The following PARD3 variants were observed in gnomAD, a reference collection of about 807,000 sequenced individuals.
PARD3 encodes partitioning defective 3 homolog.
A neutral mutation model predicts 155.4 loss-of-function variants in PARD3; 75 were observed. That is an observed-to-expected ratio of 0.48 (90% confidence interval 0.40 to 0.58). The LOEUF is 0.58. Among genes scored for constraint, PARD3 ranks in the 20% least tolerant of loss-of-function variants. The pLI, the probability that PARD3 is intolerant of heterozygous loss-of-function variation, is 0.00. For synonymous variants in PARD3, 576 were observed against 610.5 expected, an observed-to-expected ratio of 0.94 and a Z score of 0.83; for missense variants, 1,642 against 1,721.7, an observed-to-expected ratio of 0.95 and a Z score of 0.82.
intron 1 of PARD3, among the ~76,000 whole-genome samples, chr10:34,812,397 C>A (rs116784400): frequency 0.013 from 2,043 of 152,262 alleles, 40 homozygotes; most frequent in African/African-American, 0.047. Flanking sequence ...CCACCCAATT[C>A]TTCACACAGA....
intron 1 of PARD3, among the ~76,000 whole-genome samples, chr10:34,728,607 T>C (rs993101893): frequency 5.3e-5 from 8 of 152,216 alleles, no homozygotes; most frequent in African/African-American, 1.4e-4. Context: ...AGTAAATATG[T>C]CACATTGTTG....
At chr10:34,239,849 C>A (rs114090274) in intron 22 of PARD3, among the ~76,000 whole-genome samples, 2,847 of 151,514 alleles carry the variant, frequency 0.019, 76 homozygotes, top group African/African-American at 0.066. Context: ...AAATACCCTA[C>A]CATCTTTTGA....
chr10:34,451,818 C>A (rs2077077079), intron 4 of PARD3, among the ~76,000 whole-genome samples: 1 of 145,118 alleles, frequency 6.9e-6, no homozygotes. Context: ...AAGACATGGA[C>A]AAAAACTAAC....
intron 20 of PARD3, among the ~76,000 whole-genome samples, chr10:34,312,702 G>C (rs74131691): frequency 0.021 from 3,221 of 152,202 alleles, 110 homozygotes; most frequent in African/African-American, 0.074. Context: ...TGGTAATATT[G>C]CAACATTTCT....
chr10:34,315,910 G>A (rs969854261), intron 20 of PARD3, among the ~76,000 whole-genome samples: 1 of 152,182 alleles, frequency 6.6e-6, no homozygotes, highest in Non-Finnish European at 1.5e-5. Flanking sequence ...GTTAATATAA[G>A]TCTAGAGTTA....
intron 22 of PARD3, among the ~76,000 whole-genome samples, chr10:34,243,811 A>AAT (rs1320834488): frequency 3.9e-4 from 59 of 151,174 alleles, no homozygotes; most frequent in Admixed American, 1.8e-3. Context: ...CTCCATCTCA[A>AAT]ATATATATAT....
At chr10:34,287,872 T>G (rs1403379520) in intron 20 of PARD3, among the ~76,000 whole-genome samples, 1 of 152,226 alleles carries the variant, frequency 6.6e-6, no homozygotes, top group Non-Finnish European at 1.5e-5. Flanking sequence ...AACTATTTTT[T>G]GTAAATGTAT....
intron 20 of PARD3, chr10:34,312,113 A>AG: frequency 1.6e-6 from 1 of 633,090 alleles, no homozygotes; most frequent in Non-Finnish European, 2.6e-6. Flanking sequence ...GAAAGGAAAG[A>AG]GAAAAAAACA....
intron 1 of PARD3, among the ~76,000 whole-genome samples, chr10:34,757,648 T>A (rs564821445): frequency 6.6e-6 from 1 of 151,240 alleles, no homozygotes; most frequent in Admixed American, 6.6e-5. Flanking sequence ...GAGGCAGAGG[T>A]TGCAATGAGC....
At chr10:34,764,510 G>C (rs1489209793) in intron 1 of PARD3, among the ~76,000 whole-genome samples, 3 of 152,154 alleles carry the variant, frequency 2.0e-5, no homozygotes, top group African/African-American at 4.8e-5. Context: ...AATCCAGCAG[G>C]TACTGGAGGA....
At chr10:34,682,818 A>G (rs1328644356) in intron 2 of PARD3, among the ~76,000 whole-genome samples, 3 of 152,150 alleles carry the variant, frequency 2.0e-5, no homozygotes, top group Admixed American at 2.0e-4. Context: ...CAGAGGTTGC[A>G]GAGATTGCAT....
At chr10:34,797,843 G>C (rs778649292) in intron 1 of PARD3, among the ~76,000 whole-genome samples, 7 of 152,116 alleles carry the variant, frequency 4.6e-5, no homozygotes, top group Admixed American at 1.3e-4. Context: ...ACATCATTTA[G>C]AGTCAACAGC....
intron 14 of PARD3, among the ~76,000 whole-genome samples, chr10:34,350,611 T>C (rs1023343297): frequency 4.5e-5 from 5 of 110,188 alleles, no homozygotes; most frequent in Non-Finnish European, 8.2e-5. Flanking sequence ...CCAGCCTGGC[T>C]AACAGAGAGA....
intron 22 of PARD3, among the ~76,000 whole-genome samples, chr10:34,228,926 C>T (rs1382028797): frequency 1.3e-5 from 2 of 152,128 alleles, no homozygotes; most frequent in African/African-American, 2.4e-5. Context: ...CCTGTAGTCA[C>T]CACACCTCGT....
At chr10:34,661,974 C>T (rs776318664) in intron 2 of PARD3, among the ~76,000 whole-genome samples, 3 of 152,196 alleles carry the variant, frequency 2.0e-5, no homozygotes, top group Non-Finnish European at 4.4e-5. Flanking sequence ...CAGCCAGATC[C>T]TGCATGTAAG....
chr10:34,552,121 T>C (rs2084627997), intron 2 of PARD3, among the ~76,000 whole-genome samples: 1 of 152,154 alleles, frequency 6.6e-6, no homozygotes, highest in South Asian at 2.1e-4. Flanking sequence ...AAAATCATCA[T>C]TTATTATAGA....
chr10:34,694,132 A>T (rs2496739), intron 2 of PARD3, among the ~76,000 whole-genome samples: 1 of 150,142 alleles, frequency 6.7e-6, no homozygotes, highest in African/African-American at 2.4e-5. Flanking sequence ...CAAGAGAGAG[A>T]GACTGAGAAA....
chr10:34,431,030 C>T (rs1409697349), intron 5 of PARD3, among the ~76,000 whole-genome samples: 3 of 152,220 alleles, frequency 2.0e-5, no homozygotes, highest in Admixed American at 6.5e-5. Context: ...AATTCTACCA[C>T]ACACTTTCTT....
Position 34,360,115 on chromosome 10 carries a change from C to T in PARD3, c.1852G>A (p.Gly618Arg). The change falls in exon 13 of 25, where the codon GGA becomes AGA. Residue 618 changes from glycine to arginine, a missense_variant. Physicochemically the swap from Gly to Arg is moderately radical, Grantham distance 125 (BLOSUM62 -2). Coordinates refer to ENST00000374788, the MANE Select transcript of PARD3 (RefSeq NM_001184785.2). ...NRSKENHADL[G>R]IFVKSIINGG... ...TTAATAATGGACTTGACAAAGATTC[C>T]CAAATCTGCGTGGTTCTCTTTTGAC... 6.2e-7 allele frequency: 1 copy of T among 1,614,010 alleles called. No homozygotes were observed. Among genetic ancestry groups the T allele is most frequent in the Non-Finnish European group, 8.5e-7 (1 of 1,179,960 alleles).
Sources: gnomAD v4.1 joint callset for allele counts (sites outside exome capture counted in the v4.1 genomes callset) on GRCh38, gnomAD v4.1.1 for gene constraint, MANE v1.5 for transcripts, NCBI Gene and HGNC (gene_info 2026-07-23, HGNC 2026-07-21) for gene names.